Variants in SPEN observed in about 807,000 individuals in gnomAD.
SPEN encodes spen family transcriptional repressor.
SPEN carries 18 observed loss-of-function variants against 269.9 expected under a neutral mutation model. The observed-to-expected ratio is 0.07, with a 90% CI of 0.05 to 0.10. SPEN has a LOEUF of 0.10. Among genes scored for constraint, SPEN ranks in the 10% least tolerant of loss-of-function variants. SPEN has a pLI of 1.00. For synonymous variants in SPEN, 1,726 were observed against 1,765.7 expected (o/e 0.98, Z 0.56); for missense variants, 3,822 against 4,631.2 (o/e 0.83, Z 5.07).
Position 15,933,075 on chromosome 1 carries a change from A to G in SPEN, c.6835A>G (p.Thr2279Ala), listed in dbSNP as rs955339718. 6 of 1,614,162 alleles carry G rather than the reference A, an allele frequency of 3.7e-6. No homozygotes were observed. The highest frequency in any genetic ancestry group is 1.3e-5 in the African/African-American group (1 of 75,082). Residue 2279 changes from threonine to alanine, a missense_variant, in exon 11 of 15, where the codon ACA becomes GCA. Thr to Ala is a moderately conservative substitution (Grantham distance 58). Coordinates refer to ENST00000375759, the MANE Select transcript of SPEN (RefSeq NM_015001.3). This position sits in a 1 kb window ranked among gnomAD's most constrained non-coding sequence, Gnocchi z 5.7. ...TGGCATCCTGGAAACTGAGGCTGCT[A>G]CAGAATCTTCTAGGCCTCCAGTCAA... ...VSGILETEAA[T>A]ESSRPPVNAP...
intron 2 of SPEN, chr1:15,873,588 A>G (rs2070602361): frequency 1.0e-6 from 1 of 996,010 alleles, no homozygotes; most frequent in Non-Finnish European, 1.2e-6. Flanking sequence ...CATAAAGTGT[A>G]CAAACAAATT....
chr1:15,852,538 C>T (rs1416089108), intron 1 of SPEN, among the ~76,000 whole-genome samples: 1 of 152,028 alleles, frequency 6.6e-6, no homozygotes, highest in Non-Finnish European at 1.5e-5. Flanking sequence ...ACGCCCCTGG[C>T]AGATTGGAGG....
At position 15,935,963 on chromosome 1, in the gene SPEN, T is replaced by TGCCCCC; in HGVS notation, c.9724_9729dup (p.Ala3242_Pro3243dup). The stretch of plus-strand genomic sequence containing the variant: ...CTGCCAAGACACCAGATGCCAAAGC[T>TGCCCCC]GCCCCCACCCCCACCCCTGCCCCCG... On this transcript the variant is annotated inframe_insertion, in exon 11 of 15. Transcript: ENST00000375759. This position sits in a 1 kb window ranked among gnomAD's most constrained non-coding sequence, Gnocchi z 7.7. The TGCCCCC allele has an allele frequency of 6.3e-7, 1 of 1,578,816 alleles. No homozygotes were observed. Among genetic ancestry groups the TGCCCCC allele is most frequent in the South Asian group, 1.1e-5 (1 of 87,096 alleles).
chr1:15,915,885 CA>C, intron 5 of SPEN, among the ~76,000 whole-genome samples: 1 of 151,562 alleles, frequency 6.6e-6, no homozygotes, highest in East Asian at 2.0e-4. Flanking sequence ...AAAGGTTAAA[CA>C]AAGTGTTACT....
Position 15,932,307 on chromosome 1 carries a change from G to A in SPEN, c.6067G>A (p.Val2023Met), listed in dbSNP as rs115691599. 8.4e-4 allele frequency: 1,360 copies of A among 1,609,614 alleles called. 3 individuals carry two copies. Among genetic ancestry groups the A allele is most frequent in the African/African-American group, 4.1e-3 (303 of 74,546 alleles). ...CACTGAGGTGGGCCCCCAAATAGGC[G>A]TGAAAGAGAGCTCCATGGAACCCAA... ...ATTEVGPQIG[V>M]KESSMEPKAA... Residue 2023 changes from valine to methionine, a missense_variant, in exon 11 of 15, where the codon GTG (valine) becomes ATG (methionine). Physicochemically the swap from Val to Met is conservative, Grantham distance 21 (BLOSUM62 1). Transcript: ENST00000375759. This position sits in a 1 kb window ranked among gnomAD's most constrained non-coding sequence, Gnocchi z 4.2.
chr1:15,918,544 C>T (rs189278952), intron 6 of SPEN, among the ~76,000 whole-genome samples: 3 of 152,296 alleles, frequency 2.0e-5, no homozygotes, highest in Admixed American at 1.3e-4. Context: ...AATGGCCTGG[C>T]CCCTAATAAC....
rs749814808 is a variant in SPEN at position 15,928,128 on chromosome 1, C to T, written c.1888C>T (p.Arg630Cys). ...RRASYDYNQD[R>C]TYYESVRTPG... ...GGCATCCTACGACTATAACCAAGAT[C>T]GTACATATTATGAGAGTGTTCGAAC... Residue 630 changes from arginine to cysteine, a missense_variant, in exon 11 of 15, where the codon CGT becomes TGT. Transcript: ENST00000375759. The surrounding 1 kb of genome is among the most constrained non-coding windows in gnomAD (Gnocchi z 5.7). The T allele has an allele frequency of 2.9e-5, 46 of 1,613,628 alleles. No individual in the cohort carries two copies. Among genetic ancestry groups the T allele is most frequent in the Non-Finnish European group, 3.7e-5 (44 of 1,179,818 alleles).
At position 15,935,876 on chromosome 1, in the gene SPEN, C is replaced by T. The variant is rs529455439; in HGVS notation, c.9636C>T (p.Ala3212=). ...CGGCAGTCAGCGAGCAGCCCAGGGC[C>T]GCGGATGGGGTGGTGAAGGTGCCAC... The part of the protein sequence containing the change: ...HVTAVSEQPR[A]ADGVVKVPPA... The change falls in exon 11 of 15, where the codon GCC becomes GCT. Residue 3212 remains alanine, a synonymous_variant. Coordinates refer to ENST00000375759, the MANE Select transcript of SPEN (RefSeq NM_015001.3). The surrounding 1 kb of genome is among the most constrained non-coding windows in gnomAD (Gnocchi z 7.7). 6.8e-6 allele frequency: 11 copies of T among 1,613,476 alleles called. No homozygotes were observed. The South Asian group carries it at 7.7e-5, about 11-fold the overall frequency.
At chr1:15,919,578 C>T in intron 8 of SPEN, 61 bp downstream of exon 8, 1 of 1,017,832 alleles carries the variant, frequency 9.8e-7, no homozygotes, top group Non-Finnish European at 1.4e-6. Flanking sequence ...GGTATTCTCT[C>T]CTTTCAGTCT....
At position 15,933,203 on chromosome 1, in the gene SPEN, G is replaced by A. The variant is rs767078771; in HGVS notation, c.6963G>A (p.Val2321=). 4.3e-6 allele frequency: 7 copies of A among 1,614,136 alleles called. No homozygotes were observed. The Admixed American group carries it at 8.3e-5, about 19-fold the overall frequency. ...CAGAAGCCAAAGGGTCTAAAGAAGT[G>A]GAAGTCACTCTTGTTCGGAAAGACA... ...SVPEAKGSKE[V]EVTLVRKDKG... is the part of the protein sequence containing the mutation. The change falls in exon 11 of 15, where the codon GTG becomes GTA. Residue 2321 remains valine, a synonymous_variant. Coordinates refer to ENST00000375759, the MANE Select transcript of SPEN (RefSeq NM_015001.3). This position sits in a 1 kb window ranked among gnomAD's most constrained non-coding sequence, Gnocchi z 5.7.
intron 7 of SPEN, 41 bp downstream of exon 7, chr1:15,919,092 C>T: frequency 6.4e-7 from 1 of 1,574,390 alleles, no homozygotes; most frequent in Non-Finnish European, 8.6e-7. Context: ...TTATGATTTG[C>T]TTTGTTTTTT....
At position 15,934,381 on chromosome 1, in the gene SPEN, C is replaced by T. The variant is rs780166942; in HGVS notation, c.8141C>T (p.Thr2714Met). Residue 2714 changes from threonine (T) to methionine (M), a missense_variant, in exon 11 of 15, where the codon ACG becomes ATG. Thr to Met is a moderately conservative substitution (Grantham distance 81). Around this residue, in one of 16 missense-constraint regions of SPEN, gnomAD observed 329 missense variants for 431.2 expected, o/e 0.76. Transcript: ENST00000375759. The surrounding 1 kb of genome is among the most constrained non-coding windows in gnomAD (Gnocchi z 9.2). Reference protein sequence around the residue: ...VNVLTTPVNATVGTVNAAPGT... With the variant: ...VNVLTTPVNAMVGTVNAAPGT... The stretch of plus-strand genomic sequence containing the variant: ...GTTCTCACCACTCCAGTGAACGCCA[C>T]GGTGGGCACAGTGAATGCCGCCCCA... The T allele has an allele frequency of 1.2e-5, 20 of 1,613,618 alleles. No individual in the cohort carries two copies. The highest frequency in any genetic ancestry group is 3.3e-5 in the South Asian group (3 of 91,086).
At chr1:15,864,607 GTT>G (rs34116041) in intron 1 of SPEN, among the ~76,000 whole-genome samples, 114 of 82,614 alleles carry the variant, frequency 1.4e-3, no homozygotes, top group African/African-American at 2.9e-3. Context: ...AGGTTTGTGG[GTT>G]TTTTTTTTTT....
Position 15,909,384 on chromosome 1 carries a change from C to T in SPEN, c.945C>T (p.Val315=). ...CTCGATCAGTTCAGTCTGCAGCAGT[C>T]CCTGCACCCACTTCCCAGTTGCTTT... ...SPARSVQSAA[V]PAPTSQLLSS... Residue 315 remains valine (V), a synonymous_variant, in exon 4 of 15, where the codon GTC becomes GTT. Coordinates refer to ENST00000375759, the MANE Select transcript of SPEN (RefSeq NM_015001.3). 1 of 1,614,180 alleles carries T rather than the reference C, an allele frequency of 6.2e-7. No homozygotes were observed. The highest frequency in any genetic ancestry group is 2.2e-5 in the East Asian group (1 of 44,888).
In SPEN at chr1:15,848,161, C is replaced by G. The variant is rs750293261; in HGVS notation, c.83+11C>G. 4 of 1,455,670 alleles carry G rather than the reference C, an allele frequency of 2.7e-6. No individual in the cohort carries two copies. The highest frequency in any genetic ancestry group is 4.5e-5 in the Admixed American group (2 of 44,524). The allele number at this position is 1,455,670 out of a possible 1,614,324, so 90.2% of individuals were successfully genotyped here. On this transcript the variant is annotated intron_variant, in intron 1 of 14. Coordinates refer to ENST00000375759, the MANE Select transcript of SPEN (RefSeq NM_015001.3). The surrounding 1 kb of genome is among the most constrained non-coding windows in gnomAD (Gnocchi z 5.1). ...CGAGCATTTCAAACGGTGAGTGACACGAGGCCCGCGGCCGCGCTCGCTCCT... is the reference window on the plus strand; with the variant it reads ...CGAGCATTTCAAACGGTGAGTGACAGGAGGCCCGCGGCCGCGCTCGCTCCT...
chr1:15,857,358 C>T (rs1311327663), intron 1 of SPEN, among the ~76,000 whole-genome samples: 1 of 151,774 alleles, frequency 6.6e-6, no homozygotes, highest in Non-Finnish European at 1.5e-5. Flanking sequence ...AGCCACTGCA[C>T]CCAGCCTTTT....
At chr1:15,927,587 T>C (rs1184224923) in intron 10 of SPEN, among the ~76,000 whole-genome samples, 1 of 152,190 alleles carries the variant, frequency 6.6e-6, no homozygotes, top group Non-Finnish European at 1.5e-5. Flanking sequence ...TTTTATAGAA[T>C]AGTAATTTTG....
Position 15,934,873 on chromosome 1 carries a change from C to A in SPEN, c.8633C>A (p.Ala2878Glu). The A allele has an allele frequency of 6.2e-7, 1 of 1,614,148 alleles. No individual in the cohort carries two copies. The highest frequency in any genetic ancestry group is 8.5e-7 in the Non-Finnish European group (1 of 1,180,024). ...GGCCCTCAAGCTCCTGCAGGCTATG[C>A]GAACGTGGCCACCCATTCCACGTTG... Reference protein sequence around the residue: ...SKGPQAPAGYANVATHSTLVL... With the variant: ...SKGPQAPAGYENVATHSTLVL... Residue 2878 changes from alanine to glutamate, a missense_variant, in exon 11 of 15, where the codon GCG (alanine) becomes GAG (glutamate). Around this residue, in one of 16 missense-constraint regions of SPEN, gnomAD observed 329 missense variants for 431.2 expected, o/e 0.76. Coordinates refer to ENST00000375759, the MANE Select transcript of SPEN (RefSeq NM_015001.3). The surrounding 1 kb of genome is among the most constrained non-coding windows in gnomAD (Gnocchi z 9.2).
Position 15,920,831 on chromosome 1 carries a change from A to G in SPEN, c.1636-39A>G, listed in dbSNP as rs1203138210. Reference sequence around the variant, plus strand: ...TTGGGACTGACACTAAGTCCAGTGGATGAGGCTCTTACTTGTTTTTTGTTT... The same window carrying G: ...TTGGGACTGACACTAAGTCCAGTGGGTGAGGCTCTTACTTGTTTTTTGTTT... On this transcript the variant is annotated intron_variant, in intron 8 of 14. Transcript: ENST00000375759. 3 of 1,251,654 alleles carry G rather than the reference A, an allele frequency of 2.4e-6. No homozygotes were observed. In the South Asian group the frequency reaches 4.0e-5, roughly 17 times the overall value. The allele number at this position is 1,251,654 out of a possible 1,614,324, so 77.5% of individuals were successfully genotyped here.
Sources: gnomAD v4.1 joint callset for allele counts (sites outside exome capture counted in the v4.1 genomes callset) on GRCh38, gnomAD v4.1.1 for gene constraint, gnomAD v4.1.1 regional missense constraint, Gnocchi (gnomAD v3.1) non-coding constraint, MANE v1.5 for transcripts, NCBI Gene and HGNC (gene_info 2026-07-23, HGNC 2026-07-21) for gene names.